Variants in ACSL1 observed in about 807,000 individuals in gnomAD.
ACSL1 encodes the protein long-chain-fatty-acid--CoA ligase 1.
ACSL1 carries 41 observed loss-of-function variants against 98.4 expected under a neutral mutation model. The observed-to-expected ratio is 0.42, with a 90% confidence interval of 0.32 to 0.54. The LOEUF (loss-of-function observed/expected upper bound fraction) is 0.54. ACSL1 is among the 20% of genes least tolerant of loss of function. ACSL1 has a pLI of 0.13. For missense variants in ACSL1, 734 were observed against 883.1 expected, an observed-to-expected ratio of 0.83 and a Z score of 2.14; for synonymous variants, 316 against 322.7, an observed-to-expected ratio of 0.98 and a Z score of 0.22.
At chr4:184,780,674 C>G (rs1377269645) in intron 4 of ACSL1, among the ~76,000 whole-genome samples, 2 of 152,182 alleles carry the variant, frequency 1.3e-5, no homozygotes, top group East Asian at 3.9e-4. Context: ...TAATCTTATC[C>G]CAATGGCTGC....
intron 2 of ACSL1, among the ~76,000 whole-genome samples, chr4:184,791,208 T>C (rs1440200707): frequency 6.6e-6 from 1 of 152,236 alleles, no homozygotes; most frequent in Admixed American, 6.5e-5. Flanking sequence ...CACCACTTTC[T>C]GCACTCTGCA....
chr4:184,776,569 A>G lies in ACSL1; in HGVS notation c.671T>C (p.Ile224Thr), dbSNP rs113885530. Residue 224 changes from isoleucine (I) to threonine (T), a missense_variant, in exon 7 of 21, where the codon ATA (isoleucine) becomes ACA (threonine). By Grantham distance (89) the Ile-to-Thr change is moderately conservative. Coordinates refer to ENST00000281455, the MANE Select transcript of ACSL1 (RefSeq NM_001995.5). ...ACTGCCGTAGGCATCCATGACAACT[A>G]TGATTTTAAGGCCTGGTATTAACTT... is the stretch of plus-strand genomic sequence containing the variant. Reference protein sequence around the residue: ...ENKLIPGLKIIVVMDAYGSEL... With the variant: ...ENKLIPGLKITVVMDAYGSEL... 8 of 1,614,060 alleles carry G rather than the reference A, an allele frequency of 5.0e-6. 1 individual carries two copies. In the Admixed American group the frequency reaches 1.0e-4, roughly 20 times the overall value.
intron 1 of ACSL1, among the ~76,000 whole-genome samples, chr4:184,819,144 T>G (rs973566648): frequency 1.4e-5 from 2 of 142,410 alleles, no homozygotes; most frequent in Non-Finnish European, 3.0e-5. Flanking sequence ...GATGTACTTT[T>G]TTTTTTTTTT....
intron 2 of ACSL1, among the ~76,000 whole-genome samples, chr4:184,791,827 A>T (rs1768426488): frequency 6.6e-6 from 1 of 151,980 alleles, no homozygotes; most frequent in South Asian, 2.1e-4. Flanking sequence ...AAGCAGAAAG[A>T]AGGAGGGCTG....
chr4:184,812,819 T>C (rs2150482659), intron 1 of ACSL1, among the ~76,000 whole-genome samples: 1 of 152,224 alleles, frequency 6.6e-6, no homozygotes, highest in East Asian at 1.9e-4. Context: ...CAGAGCCCCA[T>C]ACCAGGGCTG....
intron 1 of ACSL1, chr4:184,815,091 C>G (rs1329934560): frequency 2.2e-6 from 1 of 456,050 alleles, no homozygotes; most frequent in African/African-American, 2.0e-5. Context: ...ATCTGATAAC[C>G]ACGGCAGGTA....
intron 3 of ACSL1, among the ~76,000 whole-genome samples, chr4:184,787,037 G>A (rs1242503265): frequency 2.0e-5 from 3 of 152,144 alleles, no homozygotes; most frequent in African/African-American, 7.2e-5. Context: ...TATCATGAGG[G>A]ATAGAGCCAG....
intron 18 of ACSL1, 146 bp downstream of exon 18, chr4:184,760,211 C>T (rs1762664563): frequency 1.1e-6 from 1 of 937,244 alleles, no homozygotes; most frequent in African/African-American, 1.7e-5. Context: ...CAACAAAAAT[C>T]AGTAACAGGT....
In ACSL1 at chr4:184,766,850, G is replaced by A. The variant is rs1763687643; in HGVS notation, c.1129-94C>T. 3 of 1,398,768 alleles carry A rather than the reference G, an allele frequency of 2.1e-6. No individual in the cohort carries two copies. The highest frequency in any genetic ancestry group is 2.9e-6 in the Non-Finnish European group (3 of 1,034,570). The allele number at this position is 1,398,768 out of a possible 1,614,324, so 86.6% of individuals were successfully genotyped here. On this transcript the variant is annotated intron_variant, in intron 12 of 20. Coordinates refer to ENST00000281455, the MANE Select transcript of ACSL1 (RefSeq NM_001995.5). The surrounding 1 kb of genome is among the most constrained non-coding windows in gnomAD (Gnocchi z 4.8). ...ATCAGAACCCTCACACACAGCTGGG[G>A]AACACAAAATGGCACAGCTGCTCTG...
intron 10 of ACSL1, among the ~76,000 whole-genome samples, chr4:184,770,988 G>A (rs1284440474): frequency 6.6e-6 from 1 of 152,176 alleles, no homozygotes; most frequent in Non-Finnish European, 1.5e-5. Flanking sequence ...GCCAGACATG[G>A]TGGCACATGC....
intron 1 of ACSL1, chr4:184,814,984 G>A: frequency 2.2e-6 from 1 of 455,980 alleles, no homozygotes; most frequent in Non-Finnish European, 4.4e-6. Context: ...AAAGCCTGAG[G>A]ATAAAATACT....
chr4:184,777,481 A>AGAGG (rs1341521467), intron 5 of ACSL1, among the ~76,000 whole-genome samples: 3 of 139,726 alleles, frequency 2.1e-5, no homozygotes, highest in South Asian at 2.7e-4. Context: ...ATGTACAAAG[A>AGAGG]GAGGGAGGGA....
intron 1 of ACSL1, chr4:184,805,498 AG>A (rs1250897525): frequency 4.1e-6 from 4 of 985,542 alleles, no homozygotes; most frequent in Non-Finnish European, 4.8e-6. Flanking sequence ...TCTGGAAAGA[AG>A]GCACCAGCAC....
At position 184,812,324 on chromosome 4, in the gene ACSL1, G is replaced by A. The variant is rs559713869; in HGVS notation, c.-32-8778C>T. The A allele has an allele frequency of 1.8e-4, 124 of 674,656 alleles. 1 individual carries two copies. Among genetic ancestry groups the A allele is most frequent in the Admixed American group, 6.3e-4 (10 of 15,860 alleles). The allele number at this position is 674,656 out of a possible 1,614,324, so 41.8% of individuals were successfully genotyped here. A position where few individuals can be genotyped will look rare whatever the true frequency, so the allele number is the denominator to read the frequency against. On this transcript the variant is annotated intron_variant, in intron 1 of 20. Coordinates refer to ENST00000281455, the MANE Select transcript of ACSL1 (RefSeq NM_001995.5). ...TGAATGACCCTCTGTGATTCTGACC[G>A]TGTCAGACCCTCTGTGATTCTGACT...
Position 184,766,592 on chromosome 4 carries a change from T to C in ACSL1, c.1263+30A>G, listed in dbSNP as rs1223981990. On this transcript the variant is annotated intron_variant, in intron 13 of 20. Transcript: ENST00000281455. This position sits in a 1 kb window ranked among gnomAD's most constrained non-coding sequence, Gnocchi z 4.8. ...CTCTGAAAAGCGAAGTCGGTTTCCA[T>C]GGGAGCAGTGGCTGTGAGTCACGTG... The C allele has an allele frequency of 1.2e-6, 2 of 1,600,580 alleles. No individual in the cohort carries two copies. The highest frequency in any genetic ancestry group is 1.1e-5 in the South Asian group (1 of 90,610).
At chr4:184,815,199 G>C (rs1772517131) in intron 1 of ACSL1, 1 of 434,096 alleles carries the variant, frequency 2.3e-6, no homozygotes, top group African/African-American at 2.0e-5. Context: ...GGTGGAACCA[G>C]GCCAAGTCTG....
In ACSL1 at chr4:184,757,533, A is replaced by G. The variant is rs1762272635; in HGVS notation, c.1956+102T>C. ...CTACTCCATTATTTATTCCTCATGTATGTCTTTAGGTCACCCCATATGTTT... is the reference window on the plus strand; with the variant it reads ...CTACTCCATTATTTATTCCTCATGTGTGTCTTTAGGTCACCCCATATGTTT... On this transcript the variant is annotated intron_variant, in intron 20 of 20. Transcript: ENST00000281455. This position sits in a 1 kb window ranked among gnomAD's most constrained non-coding sequence, Gnocchi z 4.5. 9.0e-7 allele frequency: 1 copy of G among 1,117,214 alleles called. No individual in the cohort carries two copies. Among genetic ancestry groups the G allele is most frequent in the African/African-American group, 1.6e-5 (1 of 63,798 alleles). The allele number at this position is 1,117,214 out of a possible 1,614,324, so 69.2% of individuals were successfully genotyped here.
chr4:184,775,726 C>T (rs751967397), intron 7 of ACSL1, among the ~76,000 whole-genome samples: 1 of 152,142 alleles, frequency 6.6e-6, no homozygotes, highest in Non-Finnish European at 1.5e-5. Flanking sequence ...GAAAACTACA[C>T]ATAAAAATTT....
intron 3 of ACSL1, among the ~76,000 whole-genome samples, chr4:184,787,979 G>A (rs1008177266): frequency 6.6e-6 from 1 of 152,210 alleles, no homozygotes; most frequent in Non-Finnish European, 1.5e-5. Context: ...TCCAGCCTGG[G>A]CAACATAGCA....
Sources: gnomAD v4.1 joint callset for allele counts (sites outside exome capture counted in the v4.1 genomes callset) on GRCh38, gnomAD v4.1.1 for gene constraint, Gnocchi (gnomAD v3.1) non-coding constraint, MANE v1.5 for transcripts, NCBI Gene and HGNC (gene_info 2026-07-23, HGNC 2026-07-21) for gene names.